The following RPS6KC1 variants were observed in gnomAD, a reference collection of about 807,000 sequenced individuals.
The protein encoded by RPS6KC1 is inactive ribosomal protein S6 kinase delta-1.
In RPS6KC1, 54 loss-of-function variants were observed where a neutral mutation model predicts 103.8. That is an observed-to-expected ratio of 0.52 (90% CI 0.42 to 0.65). The LOEUF is 0.65. Among genes scored for constraint, RPS6KC1 ranks in the 30% least tolerant of loss-of-function variants. RPS6KC1 has a pLI of 0.00. For synonymous variants in RPS6KC1, 439 were observed against 438.7 expected (o/e 1.00, Z -0.01); for missense variants, 1,151 against 1,253.8 (o/e 0.92, Z 1.24).
chr1:213,706,024 G>A, the RPS6KC1 span, among the ~76,000 whole-genome samples: 1 of 152,184 alleles, frequency 6.6e-6, no homozygotes, highest in Non-Finnish European at 1.5e-5. Context: ...GGTCTCTTTT[G>A]GAGTCATGAG....
chr1:213,284,229 T>TGAATA, the RPS6KC1 span, among the ~76,000 whole-genome samples: 1 of 151,174 alleles, frequency 6.6e-6, no homozygotes, highest in African/African-American at 2.4e-5. Flanking sequence ...GGCAAAAGAG[T>TGAATA]GAATAGGCTG....
At chr1:213,455,253 T>G in the RPS6KC1 span, among the ~76,000 whole-genome samples, 1 of 152,120 alleles carries the variant, frequency 6.6e-6, no homozygotes, top group South Asian at 2.1e-4. Context: ...GTGATTCCAA[T>G]GAGGAATGGC....
chr1:213,676,431 A>G, the RPS6KC1 span, among the ~76,000 whole-genome samples: 2 of 152,174 alleles, frequency 1.3e-5, no homozygotes, highest in African/African-American at 4.8e-5. Flanking sequence ...AGGAATGGAG[A>G]AAAAAGAAAG....
intron 3 of RPS6KC1, among the ~76,000 whole-genome samples, chr1:213,096,270 C>T (rs747126385): frequency 2.2e-4 from 34 of 152,190 alleles, no homozygotes; most frequent in Non-Finnish European, 4.1e-4. Context: ...AATTCAGTCA[C>T]GTCTTCAGGC....
chr1:213,324,743 C>G, the RPS6KC1 span, among the ~76,000 whole-genome samples: 1 of 151,644 alleles, frequency 6.6e-6, no homozygotes, highest in Non-Finnish European at 1.5e-5. Context: ...TGGTGCTTGG[C>G]GGGGAGGGGG....
the RPS6KC1 span, among the ~76,000 whole-genome samples, chr1:213,505,806 A>G: frequency 2.6e-5 from 4 of 152,224 alleles, no homozygotes; most frequent in East Asian, 5.8e-4. Context: ...CCTGCCTTCT[A>G]TCTAACTGTG....
the RPS6KC1 span, among the ~76,000 whole-genome samples, chr1:213,495,275 C>G: frequency 6.6e-6 from 1 of 152,018 alleles, no homozygotes; most frequent in Non-Finnish European, 1.5e-5. Flanking sequence ...ATTTAAACTT[C>G]ACACAACATT....
At chr1:213,310,263 T>C in the RPS6KC1 span, among the ~76,000 whole-genome samples, 2 of 152,182 alleles carry the variant, frequency 1.3e-5, no homozygotes, top group Admixed American at 1.3e-4. Flanking sequence ...CAGTGGCTTG[T>C]CATCTCCCTC....
At chr1:213,694,815 C>G in the RPS6KC1 span, among the ~76,000 whole-genome samples, 11 of 152,318 alleles carry the variant, frequency 7.2e-5, no homozygotes, top group East Asian at 1.3e-3. Flanking sequence ...ACATGTTATT[C>G]AACATTCATA....
intron 6 of RPS6KC1, among the ~76,000 whole-genome samples, chr1:213,141,342 C>A (rs1403793596): frequency 6.6e-6 from 1 of 152,048 alleles, no homozygotes; most frequent in Non-Finnish European, 1.5e-5. Flanking sequence ...CTGGTTCAGT[C>A]TTGGGAGGTG....
At chr1:213,396,914 G>A in the RPS6KC1 span, among the ~76,000 whole-genome samples, 1 of 152,194 alleles carries the variant, frequency 6.6e-6, no homozygotes, top group East Asian at 1.9e-4. Flanking sequence ...CGTAGGCACA[G>A]GCTCCACGAT....
the RPS6KC1 span, among the ~76,000 whole-genome samples, chr1:213,329,953 A>T: frequency 6.6e-6 from 1 of 152,172 alleles, no homozygotes; most frequent in Non-Finnish European, 1.5e-5. Flanking sequence ...AGAAACCTGA[A>T]GTGAGAAGGG....
the RPS6KC1 span, among the ~76,000 whole-genome samples, chr1:213,328,527 TATATATATATATATCA>T: frequency 1.3e-3 from 128 of 94,984 alleles, no homozygotes; most frequent in Non-Finnish European, 1.8e-3. Flanking sequence ...TATATATATA[TATATATATATATATCA>T]CACACACACG....
the RPS6KC1 span, among the ~76,000 whole-genome samples, chr1:213,574,993 G>A: frequency 2.6e-5 from 4 of 152,218 alleles, no homozygotes; most frequent in South Asian, 8.3e-4. Flanking sequence ...ACTGGCTAGG[G>A]AAGGGACTGG....
chr1:213,393,026 G>GAATTTC, the RPS6KC1 span, among the ~76,000 whole-genome samples: 1 of 152,250 alleles, frequency 6.6e-6, no homozygotes, highest in South Asian at 2.1e-4. Flanking sequence ...GATCAGGGCA[G>GAATTTC]AACCTCTAAT....
At chr1:213,342,935 C>T in the RPS6KC1 span, among the ~76,000 whole-genome samples, 12 of 152,006 alleles carry the variant, frequency 7.9e-5, no homozygotes, top group Admixed American at 2.6e-4. Context: ...ATTTCTTGAG[C>T]TCAGGAGTTT....
chr1:213,618,005 A>T, the RPS6KC1 span, among the ~76,000 whole-genome samples: 1 of 152,076 alleles, frequency 6.6e-6, no homozygotes, highest in African/African-American at 2.4e-5. Context: ...TTCCACTTTG[A>T]TATATTTCAT....
At chr1:213,572,684 C>G in the RPS6KC1 span, among the ~76,000 whole-genome samples, 2 of 152,074 alleles carry the variant, frequency 1.3e-5, no homozygotes, top group African/African-American at 4.8e-5. Context: ...ATTGATTTGG[C>G]CTCATTAGAA....
chr1:213,641,935 C>G, the RPS6KC1 span, among the ~76,000 whole-genome samples: 2,486 of 148,768 alleles, frequency 0.017, 64 homozygotes, highest in African/African-American at 0.061. Context: ...AGTTTTGGCT[C>G]CTGAAGGCTA....
Sources: gnomAD v4.1 joint callset for allele counts (sites outside exome capture counted in the v4.1 genomes callset) on GRCh38, gnomAD v4.1.1 for gene constraint, MANE v1.5 for transcripts, NCBI Gene and HGNC (gene_info 2026-07-23, HGNC 2026-07-21) for gene names.